Variants in ZSCAN4 observed in about 807,000 individuals in gnomAD.
The protein encoded by ZSCAN4 is zinc finger and SCAN domain-containing protein 4.
ZSCAN4 carries 18 observed loss-of-function variants against 18.3 expected under a neutral mutation model. That is an observed-to-expected ratio of 0.98 (90% CI 0.68 to 1.46). The LOEUF is 1.46. ZSCAN4 is among the 40% of genes most tolerant of loss of function. The pLI is 0.00. For missense variants in ZSCAN4, 498 were observed against 511.4 expected (o/e 0.97, Z 0.25); for synonymous variants, 193 against 180.3 (o/e 1.07, Z -0.57).
At chr19:57,658,863 T>G in the ZSCAN4 span, among the ~76,000 whole-genome samples, 17 of 147,018 alleles carry the variant, frequency 1.2e-4, no homozygotes, top group Admixed American at 1.1e-3. Context: ...AGAAGTAATA[T>G]ATTCCCAAAT....
chr19:57,671,586 G>A (rs927843681), intron 2 of ZSCAN4, among the ~76,000 whole-genome samples: 1 of 151,992 alleles, frequency 6.6e-6, no homozygotes, highest in Admixed American at 6.6e-5. Flanking sequence ...GAGAAGTGTA[G>A]AGCTGGCCCA....
intron 2 of ZSCAN4, among the ~76,000 whole-genome samples, chr19:57,675,639 G>A (rs1371604532): frequency 6.6e-6 from 1 of 152,060 alleles, no homozygotes; most frequent in Non-Finnish European, 1.5e-5. Context: ...ATAAACATTG[G>A]CATTTAAACA....
intron 2 of ZSCAN4, among the ~76,000 whole-genome samples, chr19:57,672,485 A>G (rs1984052027): frequency 6.6e-6 from 1 of 152,152 alleles, no homozygotes; most frequent in South Asian, 2.1e-4. Context: ...TATAATTGAC[A>G]AAGATTGTAT....
chr19:57,664,034 G>C (rs1047710459), upstream of ZSCAN4, among the ~76,000 whole-genome samples: 1 of 152,178 alleles, frequency 6.6e-6, no homozygotes, highest in African/African-American at 2.4e-5. Context: ...AGGAGGCTGA[G>C]GCAGGAGAAT....
At chr19:57,669,147 G>C (rs1452770792) in exon 1 of ZSCAN4, 1 of 142,408 alleles carries the variant, frequency 7.0e-6, no homozygotes, top group Non-Finnish European at 1.5e-5. Flanking sequence ...TGCAACCTCT[G>C]CCTCCTGGAT....
the ZSCAN4 span, among the ~76,000 whole-genome samples, chr19:57,653,006 C>A: frequency 3.3e-5 from 5 of 152,270 alleles, no homozygotes; most frequent in African/African-American, 1.2e-4. Context: ...AGCTCATAAC[C>A]CAGTTGGGGC....
chr19:57,673,875 T>A (rs1336519032), intron 2 of ZSCAN4, among the ~76,000 whole-genome samples: 3 of 152,138 alleles, frequency 2.0e-5, no homozygotes, highest in Non-Finnish European at 4.4e-5. Flanking sequence ...TTGCTCAGCC[T>A]CCCGAGTAGC....
the ZSCAN4 span, among the ~76,000 whole-genome samples, chr19:57,663,025 C>T: frequency 2.0e-5 from 3 of 151,344 alleles, no homozygotes; most frequent in African/African-American, 7.3e-5. Context: ...CCTCACCCCC[C>T]ACCCCCAATA....
upstream of ZSCAN4, among the ~76,000 whole-genome samples, chr19:57,666,582 A>G (rs1022659702): frequency 6.6e-6 from 1 of 151,776 alleles, no homozygotes; most frequent in African/African-American, 2.4e-5. Context: ...CTCAAAAAAA[A>G]AAAAAAAAGA....
chr19:57,670,451 A>T (rs990283394), exon 2 of ZSCAN4: 1 of 152,332 alleles, frequency 6.6e-6, no homozygotes, highest in African/African-American at 2.4e-5. Flanking sequence ...TCAATCACTG[A>T]TCCCAGCCCC....
chr19:57,676,381 G>A (rs1203860317), exon 3 of ZSCAN4: 1 of 1,614,200 alleles, frequency 6.2e-7, no homozygotes, highest in Non-Finnish European at 8.5e-7. Flanking sequence ...GAAAAGCACA[G>A]CAAGGATGAA....
At chr19:57,676,140 C>T (rs770106495) in exon 3 of ZSCAN4, 1 of 1,594,768 alleles carries the variant, frequency 6.3e-7, no homozygotes. Flanking sequence ...AGAATTATTG[C>T]TAAGAATGGC....
At chr19:57,653,973 C>G in the ZSCAN4 span, among the ~76,000 whole-genome samples, 1 of 152,198 alleles carries the variant, frequency 6.6e-6, no homozygotes, top group Non-Finnish European at 1.5e-5. Flanking sequence ...TGAAGACTGA[C>G]AGGATCACCC....
At chr19:57,673,751 T>TGA (rs1449406330) in intron 2 of ZSCAN4, among the ~76,000 whole-genome samples, 39 of 148,658 alleles carry the variant, frequency 2.6e-4, no homozygotes, top group South Asian at 8.4e-4. Flanking sequence ...ATGATGATGA[T>TGA]TATTATTATT....
At chr19:57,672,209 A>G (rs912119969) in intron 2 of ZSCAN4, among the ~76,000 whole-genome samples, 1 of 152,164 alleles carries the variant, frequency 6.6e-6, no homozygotes, top group African/African-American at 2.4e-5. Flanking sequence ...ATAAACATAA[A>G]ATAGTAGCTT....
intron 1 of ZSCAN4, among the ~76,000 whole-genome samples, chr19:57,669,624 A>G (rs886853873): frequency 5.3e-5 from 8 of 150,842 alleles, no homozygotes; most frequent in Admixed American, 1.3e-4. Flanking sequence ...ATGGGGTTTC[A>G]CCATATTGGC....
At chr19:57,652,847 T>C in the ZSCAN4 span, among the ~76,000 whole-genome samples, 2 of 152,162 alleles carry the variant, frequency 1.3e-5, no homozygotes, top group Non-Finnish European at 2.9e-5. Flanking sequence ...TGCCTCCTTC[T>C]GTAAGAGATT....
chr19:57,671,990 T>C (rs1364230910), intron 2 of ZSCAN4, among the ~76,000 whole-genome samples: 1 of 152,188 alleles, frequency 6.6e-6, no homozygotes, highest in Non-Finnish European at 1.5e-5. Context: ...ATGTTAACCA[T>C]ATATAAAATT....
upstream of ZSCAN4, chr19:57,664,259 G>A (rs1983795333): frequency 6.5e-6 from 1 of 152,724 alleles, no homozygotes; most frequent in Non-Finnish European, 1.5e-5. Context: ...GAGGGGTCGG[G>A]GGTCGGGGTC....
Sources: gnomAD v4.1 joint callset for allele counts (sites outside exome capture counted in the v4.1 genomes callset) on GRCh38, gnomAD v4.1.1 for gene constraint, MANE v1.5 for transcripts, NCBI Gene and HGNC (gene_info 2026-07-23, HGNC 2026-07-21) for gene names.